RNF24: variants seen among roughly 807,000 people sequenced by gnomAD.
RNF24 encodes ring finger protein 24.
In RNF24, 14 loss-of-function variants were observed where a neutral mutation model predicts 20.0. That is an observed-to-expected ratio of 0.70 (90% CI 0.46 to 1.10). The LOEUF (loss-of-function observed/expected upper bound fraction) is 1.10. RNF24 is among the 50% of genes least tolerant of loss of function. The pLI is 0.00. For missense variants in RNF24, 124 were observed against 177.6 expected (o/e 0.70, Z 1.71); for synonymous variants, 45 against 61.1 (o/e 0.74, Z 1.23).
chr20:3,945,026 T>C (rs1484387464), intron 4 of RNF24, 151 bp downstream of exon 4: 1 of 976,818 alleles, frequency 1.0e-6, no homozygotes, highest in African/African-American at 1.7e-5. Flanking sequence ...CACAATTGAT[T>C]TTTATGTGAC....
intron 1 of RNF24, among the ~76,000 whole-genome samples, chr20:3,964,431 A>G (rs1314140267): frequency 6.6e-6 from 1 of 152,226 alleles, no homozygotes; most frequent in Admixed American, 6.5e-5. Flanking sequence ...ATGGTAAAAT[A>G]TTAGAAATAA....
Position 3,934,960 on chromosome 20 carries a change from G to A in RNF24, c.308+34C>T, listed in dbSNP as rs375400412. 7.2e-5 allele frequency: 114 copies of A among 1,579,926 alleles called. No homozygotes were observed. Among genetic ancestry groups the A allele is most frequent in the Admixed American group, 2.2e-4 (13 of 59,886 alleles). ...AAGTTGGTTGATGTGCCTCAAACTC[G>A]GGTCCCATTAAGTAATTCCATACCA... On this transcript the variant is annotated intron_variant, in intron 5 of 5. Transcript: ENST00000358395. This position sits in a 1 kb window ranked among gnomAD's most constrained non-coding sequence, Gnocchi z 4.0.
At chr20:3,978,098 C>G (rs1482150582) in intron 1 of RNF24, among the ~76,000 whole-genome samples, 1 of 147,568 alleles carries the variant, frequency 6.8e-6, no homozygotes, top group African/African-American at 2.5e-5. Context: ...GAGATGGAGT[C>G]TCACTCTCTC....
intron 1 of RNF24, among the ~76,000 whole-genome samples, chr20:4,003,088 G>A (rs1981547328): frequency 6.6e-6 from 1 of 152,226 alleles, no homozygotes; most frequent in African/African-American, 2.4e-5. Flanking sequence ...TCCTGCCTCA[G>A]CCTTCTGAGT....
intron 4 of RNF24, among the ~76,000 whole-genome samples, chr20:3,937,443 CA>C (rs1469398430): frequency 1.3e-5 from 2 of 152,152 alleles, no homozygotes; most frequent in African/African-American, 4.8e-5. Flanking sequence ...AACTGAGATA[CA>C]ATTAATCTAC....
intron 1 of RNF24, among the ~76,000 whole-genome samples, chr20:3,969,514 A>T (rs896970435): frequency 2.0e-5 from 3 of 152,050 alleles, no homozygotes; most frequent in African/African-American, 7.2e-5. Flanking sequence ...GACAAAAAAA[A>T]AAAAAAGCCC....
intron 4 of RNF24, among the ~76,000 whole-genome samples, chr20:3,938,658 C>A (rs1600624511): frequency 6.6e-6 from 1 of 152,178 alleles, no homozygotes; most frequent in Non-Finnish European, 1.5e-5. Flanking sequence ...AAATACAAGA[C>A]CCTTATCAGA....
At chr20:3,965,115 T>C (rs960632636) in intron 1 of RNF24, among the ~76,000 whole-genome samples, 2 of 152,212 alleles carry the variant, frequency 1.3e-5, no homozygotes, top group Non-Finnish European at 2.9e-5. Context: ...AGCTGTAGTT[T>C]GTCATTTTGA....
chr20:3,996,498 T>C (rs993836519), intron 1 of RNF24, among the ~76,000 whole-genome samples: 12 of 152,036 alleles, frequency 7.9e-5, no homozygotes, highest in African/African-American at 2.9e-4. Context: ...TGCTCTTTGG[T>C]TTTCCTTTTG....
chr20:3,935,765 C>T (rs2090883417), intron 4 of RNF24, among the ~76,000 whole-genome samples: 3 of 152,210 alleles, frequency 2.0e-5, no homozygotes, highest in Admixed American at 1.3e-4. Context: ...CACCAGGGCC[C>T]GTGGATACCA....
intron 1 of RNF24, among the ~76,000 whole-genome samples, chr20:3,978,924 G>A (rs982259296): frequency 9.2e-5 from 14 of 151,906 alleles, no homozygotes; most frequent in African/African-American, 3.4e-4. Context: ...TGGCCAACAT[G>A]GTGAAACCCC....
chr20:3,928,808 G>A lies in RNF24; in HGVS notation c.*5255C>T, dbSNP rs1489291175. 7.0e-6 allele frequency: 1 copy of A among 143,458 alleles called. No individual in the cohort carries two copies. Among genetic ancestry groups the A allele is most frequent in the Non-Finnish European group, 1.5e-5 (1 of 65,390 alleles). 8.9% of individuals were successfully genotyped at this position (143,458 alleles called of 1,614,324 possible). On this transcript the variant is annotated 3_prime_UTR_variant, in exon 6 of 6. Coordinates refer to ENST00000358395, the MANE Select transcript of RNF24 (RefSeq NM_001134337.3). ...TTGGGGTAATTTCTGTTGTCAAATG[G>A]AAAACAAGGCATAAAGGGAAAATTC...
At chr20:3,962,437 C>A (rs1442985735) in intron 2 of RNF24, among the ~76,000 whole-genome samples, 1 of 151,958 alleles carries the variant, frequency 6.6e-6, no homozygotes, top group Non-Finnish European at 1.5e-5. Flanking sequence ...AAGTGTAACA[C>A]AAAAATATAT....
chr20:3,988,358 A>C (rs1402612127), intron 1 of RNF24, among the ~76,000 whole-genome samples: 6 of 152,074 alleles, frequency 3.9e-5, no homozygotes, highest in Non-Finnish European at 1.5e-5. Context: ...AAATAAAAAA[A>C]ATTGGTGTGT....
At chr20:3,974,809 C>G (rs1978721182) in intron 1 of RNF24, among the ~76,000 whole-genome samples, 1 of 151,970 alleles carries the variant, frequency 6.6e-6, no homozygotes, top group African/African-American at 2.4e-5. Flanking sequence ...TTTGAAGACT[C>G]AGCATAGGAA....
chr20:3,976,973 CATGT>C (rs897083570), intron 1 of RNF24, among the ~76,000 whole-genome samples: 1 of 152,014 alleles, frequency 6.6e-6, no homozygotes, highest in Non-Finnish European at 1.5e-5. Flanking sequence ...ATTGTAGCTG[CATGT>C]GAGTCTATAA....
At chr20:4,002,318 G>A (rs1007851580) in intron 1 of RNF24, among the ~76,000 whole-genome samples, 12 of 151,946 alleles carry the variant, frequency 7.9e-5, no homozygotes, top group Non-Finnish European at 1.3e-4. Context: ...CCCAGGAGGC[G>A]GAGCTTGCAG....
chr20:3,962,772 A>G (rs1323868749), intron 2 of RNF24, among the ~76,000 whole-genome samples: 2 of 150,272 alleles, frequency 1.3e-5, no homozygotes, highest in Non-Finnish European at 2.9e-5. Context: ...CTGCAATGGC[A>G]CGATCTTGGC....
intron 1 of RNF24, among the ~76,000 whole-genome samples, chr20:3,988,339 TAAAATAA>T (rs1356729883): frequency 1.4e-5 from 2 of 147,690 alleles, no homozygotes; most frequent in Non-Finnish European, 3.0e-5. Context: ...AATAAATAAA[TAAAATAA>T]AAAATAAAAA....
Sources: gnomAD v4.1 joint callset for allele counts (sites outside exome capture counted in the v4.1 genomes callset) on GRCh38, gnomAD v4.1.1 for gene constraint, Gnocchi (gnomAD v3.1) non-coding constraint, MANE v1.5 for transcripts, NCBI Gene and HGNC (gene_info 2026-07-23, HGNC 2026-07-21) for gene names.